Variants in DENND1B observed in about 807,000 individuals in gnomAD.
The protein encoded by DENND1B is DENN domain containing 1B, also known as DENN domain-containing protein 1B.
A neutral mutation model predicts 90.1 loss-of-function variants in DENND1B; 59 were observed. The ratio of observed to expected loss-of-function variants is 0.65; its 90% CI spans 0.53 to 0.81. The LOEUF (loss-of-function observed/expected upper bound fraction) is 0.81. Among genes scored for constraint, DENND1B ranks in the 40% least tolerant of loss-of-function variants. The pLI, the probability that DENND1B is intolerant of heterozygous loss-of-function variation, is 0.00. For synonymous variants in DENND1B, 337 were observed against 324.6 expected, an observed-to-expected ratio of 1.04 and a Z score of -0.41; for missense variants, 862 against 912.6, an observed-to-expected ratio of 0.94 and a Z score of 0.71.
intron 10 of DENND1B, among the ~76,000 whole-genome samples, chr1:197,639,522 T>C (rs1211643101): frequency 6.6e-6 from 1 of 152,134 alleles, no homozygotes; most frequent in Non-Finnish European, 1.5e-5. Flanking sequence ...TGTCAAAAAG[T>C]AAATAACTGA....
At chr1:197,652,987 C>A (rs1653404364) in intron 6 of DENND1B, among the ~76,000 whole-genome samples, 1 of 151,830 alleles carries the variant, frequency 6.6e-6, no homozygotes, top group Non-Finnish European at 1.5e-5. Flanking sequence ...TCCTTATTCT[C>A]TATTTTCATA....
chr1:197,665,466 A>G (rs1281861040), intron 5 of DENND1B, among the ~76,000 whole-genome samples: 2 of 152,162 alleles, frequency 1.3e-5, no homozygotes, highest in Non-Finnish European at 2.9e-5. Context: ...CATACATGTC[A>G]CTAAGCAGAC....
rs1655548839 is a variant in DENND1B, at chr1:197,671,939, T to C, written c.296+98A>G. 3 of 1,234,942 alleles carry C rather than the reference T, an allele frequency of 2.4e-6. No individual in the cohort carries two copies. The Admixed American group carries it at 9.2e-5, about 38-fold the overall frequency. 76.5% of individuals were successfully genotyped at this position (1,234,942 alleles called of 1,614,324 possible). ...GGAAAATTATTTTTCAACTTGTTTT[T>C]AAAGAAAACAAGTTTTTCTTCATCC... is the stretch of plus-strand genomic sequence containing the variant. On this transcript the variant is annotated intron_variant, in intron 5 of 22. Transcript: ENST00000620048.
chr1:197,577,026 C>T (rs1205422002), intron 15 of DENND1B, among the ~76,000 whole-genome samples: 1 of 151,930 alleles, frequency 6.6e-6, no homozygotes, highest in Non-Finnish European at 1.5e-5. Flanking sequence ...TGGATTGACA[C>T]ACTAAATTCA....
At chr1:197,551,800 A>C (rs867337437) in intron 16 of DENND1B, among the ~76,000 whole-genome samples, 3 of 152,178 alleles carry the variant, frequency 2.0e-5, no homozygotes, top group Admixed American at 1.3e-4. Context: ...TGAGTTGAGA[A>C]GTAAAAAAGT....
intron 5 of DENND1B, among the ~76,000 whole-genome samples, chr1:197,660,043 G>A (rs1262483310): frequency 6.6e-6 from 1 of 151,506 alleles, no homozygotes; most frequent in Admixed American, 6.6e-5. Context: ...TTAAGAGCAG[G>A]AAGCTATTAA....
At chr1:197,550,032 T>C (rs2125678610) in intron 16 of DENND1B, among the ~76,000 whole-genome samples, 1 of 152,256 alleles carries the variant, frequency 6.6e-6, no homozygotes, top group East Asian at 1.9e-4. Flanking sequence ...ACAAAAATAG[T>C]GTATAAACTA....
At chr1:197,575,288 G>A (rs963698433) in intron 15 of DENND1B, among the ~76,000 whole-genome samples, 3 of 151,840 alleles carry the variant, frequency 2.0e-5, no homozygotes, top group Non-Finnish European at 4.4e-5. Context: ...AGGAACAGAC[G>A]CTTCTCAAAA....
intron 14 of DENND1B, among the ~76,000 whole-genome samples, chr1:197,585,779 A>G (rs1056089863): frequency 1.3e-5 from 2 of 152,238 alleles, no homozygotes; most frequent in African/African-American, 4.8e-5. Flanking sequence ...ATATATTAAT[A>G]TACAAGAACC....
In DENND1B at chr1:197,703,899, A is replaced by G. The variant is rs139077559; in HGVS notation, c.126+11132T>C. Among the ~76,000 whole-genome samples the G allele has an allele frequency of 3.7e-4, 56 of 152,268 alleles. No homozygotes were observed. In the East Asian group the frequency reaches 0.01, roughly 28 times the overall value. Reference sequence around the variant, plus strand: ...ATTGTTCAACATTTCTTGAAATGATAAAAATCAAACTCATCCTCTCTTCTT... The same window carrying G: ...ATTGTTCAACATTTCTTGAAATGATGAAAATCAAACTCATCCTCTCTTCTT... On this transcript the variant is annotated intron_variant, in intron 3 of 22. Coordinates refer to ENST00000620048, the MANE Select transcript of DENND1B (RefSeq NM_001195215.2).
At chr1:197,659,418 G>C (rs186106745) in intron 5 of DENND1B, among the ~76,000 whole-genome samples, 1 of 151,848 alleles carries the variant, frequency 6.6e-6, no homozygotes, top group Non-Finnish European at 1.5e-5. Flanking sequence ...TTACTCAGCA[G>C]AATGTTATAG....
intron 6 of DENND1B, among the ~76,000 whole-genome samples, chr1:197,653,426 T>C (rs1194092903): frequency 6.6e-6 from 1 of 152,118 alleles, no homozygotes; most frequent in Non-Finnish European, 1.5e-5. Flanking sequence ...TTATACAAAG[T>C]TCTTATAGGT....
At chr1:197,745,273 C>A (rs1663604804) in intron 2 of DENND1B, among the ~76,000 whole-genome samples, 6 of 152,300 alleles carry the variant, frequency 3.9e-5, no homozygotes. Flanking sequence ...TGGCTTTCAG[C>A]CTATCTCAGC....
intron 4 of DENND1B, among the ~76,000 whole-genome samples, chr1:197,673,758 G>A (rs775481930): frequency 1.3e-5 from 2 of 152,022 alleles, no homozygotes; most frequent in Non-Finnish European, 2.9e-5. Flanking sequence ...AAGTGAGATA[G>A]AAACCAGGAA....
chr1:197,556,740 T>C (rs1425576500), intron 15 of DENND1B, among the ~76,000 whole-genome samples: 2 of 151,966 alleles, frequency 1.3e-5, no homozygotes, highest in Non-Finnish European at 1.5e-5. Flanking sequence ...AAATACCTTA[T>C]GCGGTATTGC....
intron 10 of DENND1B, among the ~76,000 whole-genome samples, chr1:197,638,885 GATT>G (rs1680027146): frequency 6.7e-6 from 1 of 148,746 alleles, no homozygotes; most frequent in African/African-American, 2.5e-5. Context: ...AAAAAAAACT[GATT>G]ATATCTCAAT....
intron 10 of DENND1B, among the ~76,000 whole-genome samples, chr1:197,641,487 C>T (rs745780223): frequency 8.5e-5 from 13 of 152,064 alleles, no homozygotes; most frequent in Non-Finnish European, 1.9e-4. Flanking sequence ...CATCATTTAT[C>T]CACCCTTACT....
rs1306635228 is a variant in DENND1B, at chr1:197,775,187, GC to G, written c.-33del. The G allele has an allele frequency of 4.7e-6, 6 of 1,264,756 alleles. No individual in the cohort carries two copies. The South Asian group carries it at 1.0e-4, about 21-fold the overall frequency. The allele number at this position is 1,264,756 out of a possible 1,614,324, so 78.3% of individuals were successfully genotyped here. On this transcript the variant is annotated 5_prime_UTR_variant, in exon 1 of 23. Coordinates refer to ENST00000620048, the MANE Select transcript of DENND1B (RefSeq NM_001195215.2). Reference sequence around the variant, plus strand: ...ATGTCGGTGTGGGGCTGTCCGTCCGGCCCCCGCGCGCTGGCCTGGAAGCCCG... The same window carrying G: ...ATGTCGGTGTGGGGCTGTCCGTCCGGCCCCGCGCGCTGGCCTGGAAGCCCG...
intron 19 of DENND1B, among the ~76,000 whole-genome samples, chr1:197,540,272 CTTAA>C (rs1264095396): frequency 3.3e-5 from 5 of 151,504 alleles, no homozygotes; most frequent in African/African-American, 9.7e-5. Context: ...GGTTAATGAT[CTTAA>C]TTATTTATAC....
Sources: allele counts gnomAD v4.1 joint callset (sites outside exome capture counted in the v4.1 genomes callset), GRCh38; gene constraint gnomAD v4.1.1; transcripts MANE v1.5; gene names NCBI Gene and HGNC (gene_info 2026-07-23, HGNC 2026-07-21).